The following PCDHA7 variants were observed in gnomAD, a reference collection of about 807,000 sequenced individuals.
The protein encoded by PCDHA7 is protocadherin alpha 7, also known as protocadherin alpha-7.
In PCDHA7, 37 loss-of-function variants were observed where a neutral mutation model predicts 57.2. The observed-to-expected ratio is 0.65, with a 90% CI of 0.50 to 0.85. The LOEUF (loss-of-function observed/expected upper bound fraction) is 0.85. PCDHA7 is among the 40% of genes least tolerant of loss of function. The pLI, the probability that PCDHA7 is intolerant of heterozygous loss-of-function variation, is 0.00. For synonymous variants in PCDHA7, 553 were observed against 558.8 expected, an observed-to-expected ratio of 0.99 and a Z score of 0.15; for missense variants, 1,188 against 1,241.8, an observed-to-expected ratio of 0.96 and a Z score of 0.65.
chr5:140,971,652 G>A (rs1554233517), intron 1 of PCDHA7, among the ~76,000 whole-genome samples: 1 of 152,134 alleles, frequency 6.6e-6, no homozygotes, highest in African/African-American at 2.4e-5. Context: ...ATTAAAAGTA[G>A]ATGGGAATTA....
At chr5:140,866,196 T>C (rs1176237600) in intron 1 of PCDHA7, 3 of 152,160 alleles carry the variant, frequency 2.0e-5, no homozygotes, top group African/African-American at 7.2e-5. Context: ...AACTGTGGTT[T>C]CCAATATCCT....
Position 140,850,388 on chromosome 5 carries a change from C to G in PCDHA7, c.2355+13650C>G. On this transcript the variant is annotated intron_variant, in intron 1 of 3. Coordinates refer to ENST00000525929, the MANE Select transcript of PCDHA7 (RefSeq NM_018910.3). Reference sequence around the variant, plus strand: ...GCGTGGGGCTGTACACGGGCGAGATCAGCACAACGCGTGCCCTGGACGAAA... The same window carrying G: ...GCGTGGGGCTGTACACGGGCGAGATGAGCACAACGCGTGCCCTGGACGAAA... 1.9e-6 allele frequency: 3 copies of G among 1,597,966 alleles called. No individual in the cohort carries two copies. In the African/African-American group the frequency reaches 4.0e-5, roughly 21 times the overall value.
At chr5:140,840,168 T>C (rs1776589979) in intron 1 of PCDHA7, among the ~76,000 whole-genome samples, 2 of 151,992 alleles carry the variant, frequency 1.3e-5, no homozygotes, top group African/African-American at 2.4e-5. Flanking sequence ...ATGGGATGTA[T>C]ACAAATTTTA....
Position 140,843,481 on chromosome 5 carries a change from G to A in PCDHA7, c.2355+6743G>A, listed in dbSNP as rs1554140132. ...TGCTCACGCTGCTGCTGTACACTGCGCTGCGGTGCTCAGCACTGCCCACTG... is the reference window on the plus strand; with the variant it reads ...TGCTCACGCTGCTGCTGTACACTGCACTGCGGTGCTCAGCACTGCCCACTG... On this transcript the variant is annotated intron_variant, in intron 1 of 3. Transcript: ENST00000525929. 3.1e-6 allele frequency: 5 copies of A among 1,595,902 alleles called. 1 individual carries two copies. The Admixed American group carries it at 8.4e-5, about 27-fold the overall frequency.
Position 140,892,511 on chromosome 5 carries a change from C to T in PCDHA7, c.2355+55773C>T, listed in dbSNP as rs115588708. Among the ~76,000 whole-genome samples the T allele has an allele frequency of 8.0e-3, 1,214 of 152,282 alleles. 6 individuals carry two copies. Among genetic ancestry groups the T allele is most frequent in the African/African-American group, 0.019 (784 of 41,558 alleles). On this transcript the variant is annotated intron_variant, in intron 1 of 3. Coordinates refer to ENST00000525929, the MANE Select transcript of PCDHA7 (RefSeq NM_018910.3). ...TGAGAGATTGTTTAAGAAGTTCCAC[C>T]ATGACTGGTAGACTCAGGATTCTGA...
At position 141,010,952 on chromosome 5, in the gene PCDHA7, T is replaced by C. The variant is rs1217882818; in HGVS notation, c.*1015T>C. On this transcript the variant is annotated 3_prime_UTR_variant, in exon 4 of 4. Coordinates refer to ENST00000525929, the MANE Select transcript of PCDHA7 (RefSeq NM_018910.3). ...AGTCTACAGCCATTTAAATGATCAT[T>C]GCTGCTACAGAAGTGCTTTAAGAGA... 1 of 153,792 alleles carries C rather than the reference T, an allele frequency of 6.5e-6. No individual in the cohort carries two copies. Among genetic ancestry groups the C allele is most frequent in the East Asian group, 1.9e-4 (1 of 5,194 alleles). The allele number at this position is 153,792 out of a possible 1,614,324, so 9.5% of individuals were successfully genotyped here. A position where few individuals can be genotyped will look rare whatever the true frequency, so the allele number is the denominator to read the frequency against.
At chr5:140,951,326 T>C (rs2094571744) in intron 1 of PCDHA7, among the ~76,000 whole-genome samples, 1 of 152,158 alleles carries the variant, frequency 6.6e-6, no homozygotes, top group Admixed American at 6.5e-5. Context: ...TTGAGATTCA[T>C]CATTCTGTTT....
chr5:140,841,838 A>G (rs1453803660), intron 1 of PCDHA7: 11 of 1,613,802 alleles, frequency 6.8e-6, no homozygotes, highest in Admixed American at 6.7e-5. Context: ...CTACAGGCTT[A>G]GCTCTCATGA....
chr5:140,966,900 G>T, intron 1 of PCDHA7: 1 of 1,598,802 alleles, frequency 6.3e-7, no homozygotes, highest in Non-Finnish European at 8.5e-7. Context: ...TCCCAGCTGC[G>T]ATACTCTGTG....
intron 3 of PCDHA7, among the ~76,000 whole-genome samples, chr5:141,008,578 C>T (rs1185736158): frequency 6.6e-6 from 1 of 152,202 alleles, no homozygotes; most frequent in Non-Finnish European, 1.5e-5. Context: ...TTTCCCAAGA[C>T]TCAGGGCAGA....
At chr5:140,987,235 TAAAG>T (rs1182642222) in intron 3 of PCDHA7, among the ~76,000 whole-genome samples, 2 of 151,266 alleles carry the variant, frequency 1.3e-5, no homozygotes, top group African/African-American at 2.4e-5. Flanking sequence ...AAATAATAAA[TAAAG>T]AAAGAAAGAC....
chr5:140,877,032 G>A (rs2056800154), intron 1 of PCDHA7: 1 of 1,612,266 alleles, frequency 6.2e-7, no homozygotes, highest in African/African-American at 1.3e-5. Flanking sequence ...TGTACGCGCT[G>A]CAGCCGCTAG....
At chr5:140,945,569 A>C (rs575302416) in intron 1 of PCDHA7, among the ~76,000 whole-genome samples, 2 of 152,256 alleles carry the variant, frequency 1.3e-5, no homozygotes, top group South Asian at 4.1e-4. Context: ...ACATCATACT[A>C]CCTGGCTTCA....
At chr5:140,849,566 T>C in intron 1 of PCDHA7, 2 of 1,598,556 alleles carry the variant, frequency 1.3e-6, no homozygotes, top group Non-Finnish European at 1.7e-6. Flanking sequence ...CGCTCTCGGT[T>C]CCTGTAAAAG....
chr5:140,924,902 A>AAT (rs2082141904), intron 1 of PCDHA7, among the ~76,000 whole-genome samples: 1 of 39,026 alleles, frequency 2.6e-5, no homozygotes, highest in African/African-American at 7.6e-5. Flanking sequence ...CTCAAAAAAA[A>AAT]AAATAAAATA....
intron 1 of PCDHA7, among the ~76,000 whole-genome samples, chr5:140,880,101 T>C (rs1190307689): frequency 6.6e-6 from 1 of 152,192 alleles, no homozygotes; most frequent in Non-Finnish European, 1.5e-5. Context: ...CTTAAAATCA[T>C]AGAAGGATAG....
chr5:140,941,173 A>G (rs1235741316), intron 1 of PCDHA7, among the ~76,000 whole-genome samples: 5 of 135,522 alleles, frequency 3.7e-5, no homozygotes, highest in Non-Finnish European at 4.9e-5. Flanking sequence ...CCCCATCTTG[A>G]ACATCCTGCT....
chr5:140,891,009 A>AT (rs35053611), intron 1 of PCDHA7, among the ~76,000 whole-genome samples: 3 of 152,052 alleles, frequency 2.0e-5, no homozygotes, highest in East Asian at 3.9e-4. Context: ...ATTGAAAAGC[A>AT]TTTTTTCTGA....
At chr5:140,966,455 C>G (rs376758355) in intron 1 of PCDHA7, 20 of 426,928 alleles carry the variant, frequency 4.7e-5, no homozygotes, top group East Asian at 2.8e-4. Flanking sequence ...CCCCCTCCCC[C>G]TCTGTCTTCC....
Sources: allele counts gnomAD v4.1 joint callset (sites outside exome capture counted in the v4.1 genomes callset), GRCh38; gene constraint gnomAD v4.1.1; transcripts MANE v1.5; gene names NCBI Gene and HGNC (gene_info 2026-07-23, HGNC 2026-07-21).